The following ABHD3 variants were observed in gnomAD, a reference collection of about 807,000 sequenced individuals.
ABHD3 encodes the protein abhydrolase domain containing 3, phospholipase.
ABHD3 carries 46 observed loss-of-function variants against 48.8 expected under a neutral mutation model. The ratio of observed to expected loss-of-function variants is 0.94; its 90% CI spans 0.74 to 1.20. The LOEUF is 1.20. ABHD3 is among the 50% of genes most tolerant of loss of function. The pLI, the probability that ABHD3 is intolerant of heterozygous loss-of-function variation, is 0.00. For missense variants in ABHD3, 490 were observed against 497.8 expected, an observed-to-expected ratio of 0.98 and a Z score of 0.15; for synonymous variants, 192 against 183.7, an observed-to-expected ratio of 1.04 and a Z score of -0.36.
At chr18:21,686,924 T>C (rs2040140771) in intron 3 of ABHD3, among the ~76,000 whole-genome samples, 3 of 152,182 alleles carry the variant, frequency 2.0e-5, no homozygotes, top group South Asian at 4.1e-4. Flanking sequence ...CCTCTTCTTC[T>C]TTTTTTCTTT....
intron 8 of ABHD3, among the ~76,000 whole-genome samples, chr18:21,652,282 C>T (rs929284694): frequency 2.6e-5 from 4 of 151,248 alleles, no homozygotes; most frequent in Admixed American, 2.0e-4. Context: ...CACTTGAGCT[C>T]AGGAGTTCGA....
intron 3 of ABHD3, among the ~76,000 whole-genome samples, chr18:21,694,029 G>C (rs899903423): frequency 1.3e-5 from 2 of 152,086 alleles, no homozygotes; most frequent in African/African-American, 4.8e-5. Context: ...ATTGCATCTA[G>C]AGCTATGATA....
At chr18:21,694,846 A>T (rs2040332427) in intron 3 of ABHD3, among the ~76,000 whole-genome samples, 1 of 151,906 alleles carries the variant, frequency 6.6e-6, no homozygotes, top group Non-Finnish European at 1.5e-5. Context: ...GACACCGCTG[A>T]TCTACTCCTT....
intron 4 of ABHD3, among the ~76,000 whole-genome samples, chr18:21,677,328 G>A (rs1381731951): frequency 6.6e-6 from 1 of 151,766 alleles, no homozygotes; most frequent in African/African-American, 2.4e-5. Flanking sequence ...CCAAGTAGCT[G>A]GGACTACAGG....
At chr18:21,693,694 T>C (rs1268080604) in intron 3 of ABHD3, among the ~76,000 whole-genome samples, 1 of 152,236 alleles carries the variant, frequency 6.6e-6, no homozygotes, top group African/African-American at 2.4e-5. Context: ...CATTCAGTGC[T>C]TTCTAACATG....
At chr18:21,666,969 T>C (rs1454379552) in intron 4 of ABHD3, among the ~76,000 whole-genome samples, 1 of 151,960 alleles carries the variant, frequency 6.6e-6, no homozygotes, top group Non-Finnish European at 1.5e-5. Context: ...ACATGGAAAC[T>C]AGTTATCTAC....
chr18:21,653,841 A>T (rs1175784215), intron 8 of ABHD3, among the ~76,000 whole-genome samples: 1 of 151,100 alleles, frequency 6.6e-6, no homozygotes, highest in Non-Finnish European at 1.5e-5. Flanking sequence ...GGCTGCAGTA[A>T]ACTTTTTTTT....
intron 8 of ABHD3, 74 bp downstream of exon 8, chr18:21,656,787 C>T (rs1219060115): frequency 1.5e-6 from 2 of 1,313,598 alleles, no homozygotes; most frequent in Non-Finnish European, 2.1e-6. Context: ...TTTCTTATTA[C>T]TATATTTCCT....
chr18:21,658,836 T>C (rs1265134098), intron 6 of ABHD3, among the ~76,000 whole-genome samples: 1 of 151,032 alleles, frequency 6.6e-6, no homozygotes, highest in East Asian at 1.9e-4. Flanking sequence ...TTGGAGACAA[T>C]AGTTTTTTTT....
At chr18:21,683,786 C>T in intron 4 of ABHD3, 134 bp downstream of exon 4, 1 of 852,488 alleles carries the variant, frequency 1.2e-6, no homozygotes, top group Non-Finnish European at 1.7e-6. Flanking sequence ...TTTTCCATAT[C>T]TGTATTTTTG....
intron 5 of ABHD3, among the ~76,000 whole-genome samples, chr18:21,659,620 AG>A (rs1255570889): frequency 6.6e-6 from 1 of 151,726 alleles, no homozygotes; most frequent in African/African-American, 2.4e-5. Context: ...CCACCCTAAG[AG>A]TGGTTTTTAG....
At chr18:21,682,680 A>T (rs1226008587) in intron 4 of ABHD3, 2 of 152,196 alleles carry the variant, frequency 1.3e-5, no homozygotes, top group Non-Finnish European at 2.9e-5. Context: ...CTTCATAAAG[A>T]ACTAACGAGC....
At chr18:21,702,141 A>C in intron 3 of ABHD3, 175 bp downstream of exon 3, 1 of 550,710 alleles carries the variant, frequency 1.8e-6, no homozygotes, top group Non-Finnish European at 3.1e-6. Context: ...GAGATGATTC[A>C]GTTATGCATC....
At chr18:21,675,215 T>C (rs188126809) in intron 4 of ABHD3, among the ~76,000 whole-genome samples, 2 of 151,448 alleles carry the variant, frequency 1.3e-5, no homozygotes, top group African/African-American at 2.4e-5. Context: ...GACTTCTGAT[T>C]GTCACCCCAC....
chr18:21,704,747 G>T lies in ABHD3; in HGVS notation c.-82C>A. 1 of 1,265,208 alleles carries T rather than the reference G, an allele frequency of 7.9e-7. No homozygotes were observed. The highest frequency in any genetic ancestry group is 1.0e-6 in the Non-Finnish European group (1 of 984,016). 78.4% of individuals were successfully genotyped at this position (1,265,208 alleles called of 1,614,324 possible). On this transcript the variant is annotated 5_prime_UTR_variant, in exon 1 of 9. Transcript: ENST00000289119. ...GGCGAGAGCGGGCGAGAGCGGACGC[G>T]GCGCCGCTGCCTACTCCCGACCACA... is the stretch of plus-strand genomic sequence containing the variant.
chr18:21,704,741 G>GGGC lies in ABHD3; in HGVS notation c.-77_-76insGCC. 1.2e-5 allele frequency: 15 copies of GGGC among 1,287,054 alleles called. No homozygotes were observed. In the African/African-American group the frequency reaches 1.4e-4, roughly 12 times the overall value. 79.7% of individuals were successfully genotyped at this position (1,287,054 alleles called of 1,614,324 possible). A position where few individuals can be genotyped will look rare whatever the true frequency, so the allele number is the denominator to read the frequency against. ...CGAGCGGGCGAGAGCGGGCGAGAGC[G>GGGC]GACGCGGCGCCGCTGCCTACTCCCG... On this transcript the variant is annotated 5_prime_UTR_variant, in exon 1 of 9. Coordinates refer to ENST00000289119, the MANE Select transcript of ABHD3 (RefSeq NM_138340.5).
At chr18:21,704,345 C>T (rs931048963) in intron 1 of ABHD3, among the ~76,000 whole-genome samples, 159 bp downstream of exon 1, 7 of 151,698 alleles carry the variant, frequency 4.6e-5, no homozygotes, top group Non-Finnish European at 7.4e-5. Context: ...CGGGCGGGGC[C>T]TGTTGGCTTT....
chr18:21,654,588 G>T (rs2039302483), intron 8 of ABHD3, among the ~76,000 whole-genome samples: 1 of 152,160 alleles, frequency 6.6e-6, no homozygotes, highest in Non-Finnish European at 1.5e-5. Context: ...ACTTAAGGGG[G>T]AATGGCTGAT....
intron 3 of ABHD3, chr18:21,701,726 A>C (rs1366934386): frequency 6.6e-6 from 1 of 152,204 alleles, no homozygotes; most frequent in Non-Finnish European, 1.5e-5. Context: ...CACTTGCAAA[A>C]AATTAAATTG....
Sources: gnomAD v4.1 joint callset for allele counts (sites outside exome capture counted in the v4.1 genomes callset) on GRCh38, gnomAD v4.1.1 for gene constraint, MANE v1.5 for transcripts, NCBI Gene and HGNC (gene_info 2026-07-23, HGNC 2026-07-21) for gene names.